KIAA0825: variants seen among roughly 807,000 people sequenced by gnomAD.
The protein encoded by KIAA0825 is uncharacterized protein KIAA0825.
KIAA0825 carries 119 observed loss-of-function variants against 147.6 expected under a neutral mutation model. The observed-to-expected ratio is 0.81, with a 90% CI of 0.69 to 0.94. The LOEUF is 0.94. KIAA0825 is among the 40% of genes least tolerant of loss of function. The pLI is 0.00. For synonymous variants in KIAA0825, 470 were observed against 518.1 expected (o/e 0.91, Z 1.26); for missense variants, 1,381 against 1,472.7 (o/e 0.94, Z 1.02).
At chr5:94,426,107 G>A (rs112217406) in intron 14 of KIAA0825, among the ~76,000 whole-genome samples, 2,035 of 151,432 alleles carry the variant, frequency 0.013, 30 homozygotes, top group Non-Finnish European at 0.021. Flanking sequence ...CTGGTCTCAA[G>A]CGATCCTCCC....
rs78241098 is a variant in KIAA0825, at chr5:94,503,471, G to A, written c.970+16777C>T. 6.7e-3 allele frequency among the ~76,000 whole-genome samples: 1,021 copies of A among 152,184 alleles called. 6 individuals carry two copies. The highest frequency in any genetic ancestry group is 0.024 in the African/African-American group (978 of 41,512). On this transcript the variant is annotated intron_variant, in intron 5 of 20. Coordinates refer to ENST00000682413, the MANE Select transcript of KIAA0825 (RefSeq NM_001145678.3). ...TTGGAAGTGAATCCACTTCTTCTCT[G>A]GTCCCATTCCCTCCCTCATGAACAC...
At chr5:94,178,006 T>C (rs1234034723) in intron 20 of KIAA0825, among the ~76,000 whole-genome samples, 1 of 152,088 alleles carries the variant, frequency 6.6e-6, no homozygotes, top group Non-Finnish European at 1.5e-5. Flanking sequence ...CTTCCATATT[T>C]CAATAAGATT....
At chr5:94,199,883 G>T (rs951534854) in intron 20 of KIAA0825, among the ~76,000 whole-genome samples, 1 of 152,186 alleles carries the variant, frequency 6.6e-6, no homozygotes, top group African/African-American at 2.4e-5. Context: ...CCACTGGAAA[G>T]TGCTTTAGTG....
At position 94,601,554 on chromosome 5, in the gene KIAA0825, A is replaced by G. The variant is rs111992192; in HGVS notation, c.-153+16946T>C. 4.4e-4 allele frequency among the ~76,000 whole-genome samples: 67 copies of G among 152,310 alleles called. 1 individual carries two copies. Among genetic ancestry groups the G allele is most frequent in the African/African-American group, 1.6e-3 (65 of 41,566 alleles). On this transcript the variant is annotated intron_variant, in intron 1 of 20. Coordinates refer to ENST00000682413, the MANE Select transcript of KIAA0825 (RefSeq NM_001145678.3). ...GTTTTGGAAAGGGGCTGAGGCTGATATGGCTGAACAGAAGTAGACCTCAGA... is the reference window on the plus strand; with the variant it reads ...GTTTTGGAAAGGGGCTGAGGCTGATGTGGCTGAACAGAAGTAGACCTCAGA...
intron 20 of KIAA0825, among the ~76,000 whole-genome samples, chr5:94,286,552 T>A (rs900846476): frequency 7.4e-4 from 113 of 152,110 alleles, no homozygotes; most frequent in African/African-American, 2.5e-3. Context: ...GGTTTCTTTC[T>A]TTTTTTCTTT....
At chr5:94,317,421 T>C (rs1257346484) in intron 20 of KIAA0825, among the ~76,000 whole-genome samples, 1 of 151,878 alleles carries the variant, frequency 6.6e-6, no homozygotes, top group Non-Finnish European at 1.5e-5. Flanking sequence ...ACAGAGAGTC[T>C]CATTGACTTT....
Position 94,473,332 on chromosome 5 carries a change from T to C in KIAA0825, c.1415A>G (p.His472Arg), listed in dbSNP as rs777826554. The C allele has an allele frequency of 3.9e-5, 60 of 1,551,684 alleles. No individual in the cohort carries two copies. The highest frequency in any genetic ancestry group is 4.9e-5 in the East Asian group (2 of 40,932). Reference sequence around the variant, plus strand: ...TGGTTGTTCCTCCTCAGGAAACATATGGCTGTCTTGCCAAACTTGCTGGAC... The same window carrying C: ...TGGTTGTTCCTCCTCAGGAAACATACGGCTGTCTTGCCAAACTTGCTGGAC... ...VNVQQVWQDS[H>R]MFPEEEQPKK... is the part of the protein sequence containing the mutation. The change falls in exon 8 of 21, where the codon CAT becomes CGT. Residue 472 changes from histidine (H) to arginine (R), a missense_variant. Transcript: ENST00000682413.
At chr5:94,367,920 C>T (rs1010363330) in intron 20 of KIAA0825, among the ~76,000 whole-genome samples, 1 of 152,082 alleles carries the variant, frequency 6.6e-6, no homozygotes, top group African/African-American at 2.4e-5. Context: ...CTTAAATGTA[C>T]AGGAATAGAG....
intron 20 of KIAA0825, among the ~76,000 whole-genome samples, chr5:94,280,203 T>G (rs1442368521): frequency 6.6e-6 from 1 of 152,054 alleles, no homozygotes; most frequent in East Asian, 1.9e-4. Flanking sequence ...TAGTGCCTGG[T>G]GATCATAAAA....
In KIAA0825 at chr5:94,360,941, G is replaced by A. The variant is rs565399667; in HGVS notation, c.3710+23427C>T. Among the ~76,000 whole-genome samples the A allele has an allele frequency of 7.2e-5, 11 of 152,168 alleles. No homozygotes were observed. In the South Asian group the frequency reaches 1.7e-3, roughly 23 times the overall value. On this transcript the variant is annotated intron_variant, in intron 20 of 20. Transcript: ENST00000682413. ...AGAACCCTCTCTTGGGGTCTGGATC[G>A]GGATCCCCTTCCAGTAACAGTGTGA...
intron 18 of KIAA0825, among the ~76,000 whole-genome samples, chr5:94,386,973 C>T (rs1749235583): frequency 6.6e-6 from 1 of 152,088 alleles, no homozygotes; most frequent in African/African-American, 2.4e-5. Flanking sequence ...TATAATCCCC[C>T]AACTGCCAGT....
intron 14 of KIAA0825, among the ~76,000 whole-genome samples, chr5:94,419,611 T>G (rs1198843238): frequency 6.6e-6 from 1 of 152,248 alleles, no homozygotes; most frequent in African/African-American, 2.4e-5. Context: ...AAAATCATCA[T>G]GATTTAATCA....
intron 20 of KIAA0825, among the ~76,000 whole-genome samples, chr5:94,242,967 C>A (rs1221879093): frequency 1.3e-5 from 2 of 152,022 alleles, no homozygotes; most frequent in Non-Finnish European, 2.9e-5. Context: ...TTTTTTAGTT[C>A]TTCAAGTCTG....
intron 20 of KIAA0825, among the ~76,000 whole-genome samples, chr5:94,218,237 T>A (rs1006264212): frequency 6.6e-6 from 1 of 152,196 alleles, no homozygotes; most frequent in Non-Finnish European, 1.5e-5. Flanking sequence ...CTTCTTATAG[T>A]TTCCCGAGCT....
chr5:94,537,040 C>A lies in KIAA0825; in HGVS notation c.87G>T (p.Gln29His). 6.2e-7 allele frequency: 1 copy of A among 1,606,418 alleles called. No homozygotes were observed. Among genetic ancestry groups the A allele is most frequent in the South Asian group, 1.1e-5 (1 of 90,652 alleles). The stretch of plus-strand genomic sequence containing the variant: ...TCTTTTCATCAATGTCACTGAAGAT[C>A]TGCTCAAACTCCAAGTCTCCAGGAA... ...NSFPGDLEFEQIFSDIDEKIE... is the reference protein window; with the variant it reads ...NSFPGDLEFEHIFSDIDEKIE... Residue 29 changes from glutamine (Q) to histidine (H), a missense_variant, in exon 3 of 21, where the codon CAG becomes CAT. Physicochemically the swap from Gln to His is conservative, Grantham distance 24 (BLOSUM62 0). Coordinates refer to ENST00000682413, the MANE Select transcript of KIAA0825 (RefSeq NM_001145678.3).
chr5:94,192,624 T>G (rs1018101652), intron 20 of KIAA0825, among the ~76,000 whole-genome samples: 1 of 152,148 alleles, frequency 6.6e-6, no homozygotes, highest in Non-Finnish European at 1.5e-5. Flanking sequence ...ACTTTTTTTT[T>G]AACTACCCTT....
At chr5:94,589,990 C>CT (rs1784055563) in intron 1 of KIAA0825, among the ~76,000 whole-genome samples, 1 of 151,888 alleles carries the variant, frequency 6.6e-6, no homozygotes, top group African/African-American at 2.4e-5. Flanking sequence ...CCAATGGTTT[C>CT]TTTTTTTCTT....
intron 20 of KIAA0825, among the ~76,000 whole-genome samples, chr5:94,323,506 T>A (rs997321393): frequency 1.1e-4 from 16 of 151,746 alleles, no homozygotes; most frequent in Non-Finnish European, 2.1e-4. Flanking sequence ...TTGGGATTTT[T>A]TTTTCATCAC....
intron 19 of KIAA0825, 147 bp from the exon 20 acceptor site, chr5:94,384,605 C>A: frequency 1.8e-6 from 1 of 560,832 alleles, no homozygotes; most frequent in East Asian, 3.1e-5. Flanking sequence ...CAATCATGTC[C>A]ACAGAAGAAG....
Sources: gnomAD v4.1 joint callset for allele counts (sites outside exome capture counted in the v4.1 genomes callset) on GRCh38, gnomAD v4.1.1 for gene constraint, MANE v1.5 for transcripts, NCBI Gene and HGNC (gene_info 2026-07-23, HGNC 2026-07-21) for gene names.